Variants in PRELID2 observed in about 807,000 individuals in gnomAD.
The protein encoded by PRELID2 is PRELI domain-containing protein 2.
PRELID2 carries 25 observed loss-of-function variants against 28.4 expected under a neutral mutation model. The ratio of observed to expected loss-of-function variants is 0.88; its 90% confidence interval spans 0.64 to 1.23. The LOEUF (loss-of-function observed/expected upper bound fraction) is 1.23, where lower values mean the gene tolerates loss of function less well. PRELID2 is among the 50% of genes most tolerant of loss of function. The pLI, the probability that PRELID2 is intolerant of heterozygous loss-of-function variation, is 0.00. For synonymous variants in PRELID2, 76 were observed against 71.6 expected (o/e 1.06, Z -0.31); for missense variants, 201 against 214.4 (o/e 0.94, Z 0.39).
intron 1 of PRELID2, among the ~76,000 whole-genome samples, chr5:145,685,966 T>C (rs1325953669): frequency 6.6e-6 from 1 of 152,206 alleles, no homozygotes; most frequent in Admixed American, 6.5e-5. Context: ...GTCCCTGATA[T>C]CGCCATTCTT....
chr5:145,465,694 G>A, the PRELID2 span, among the ~76,000 whole-genome samples: 1 of 152,092 alleles, frequency 6.6e-6, no homozygotes, highest in Non-Finnish European at 1.5e-5. Context: ...ATCTAAAGTG[G>A]ATAGAACAGT....
At chr5:145,366,550 T>C in the PRELID2 span, among the ~76,000 whole-genome samples, 677 of 152,058 alleles carry the variant, frequency 4.5e-3, 2 homozygotes, top group African/African-American at 0.015. Flanking sequence ...GTAGTAAGAT[T>C]GCCCTTTTAA....
chr5:145,679,150 T>C (rs1326177259), intron 1 of PRELID2, among the ~76,000 whole-genome samples: 1 of 152,196 alleles, frequency 6.6e-6, no homozygotes, highest in Non-Finnish European at 1.5e-5. Flanking sequence ...AAGCCCTTCT[T>C]GGCCCCTTGG....
intron 1 of PRELID2, among the ~76,000 whole-genome samples, chr5:145,612,392 G>A (rs1473199071): frequency 6.6e-6 from 1 of 152,036 alleles, no homozygotes; most frequent in African/African-American, 2.4e-5. Flanking sequence ...GATTACAGAG[G>A]AATCATATTC....
At chr5:145,778,487 C>T (rs1758559408) in intron 5 of PRELID2, among the ~76,000 whole-genome samples, 1 of 152,188 alleles carries the variant, frequency 6.6e-6, no homozygotes, top group African/African-American at 2.4e-5. Context: ...CTCCATTTGT[C>T]CATGCATCTC....
At chr5:145,282,398 G>T in the PRELID2 span, among the ~76,000 whole-genome samples, 17 of 152,100 alleles carry the variant, frequency 1.1e-4, no homozygotes, top group African/African-American at 3.6e-4. Context: ...ATTATCAAGT[G>T]TGAAATATAA....
chr5:145,249,760 C>T, the PRELID2 span, among the ~76,000 whole-genome samples: 11 of 151,994 alleles, frequency 7.2e-5, no homozygotes, highest in Non-Finnish European at 1.6e-4. Context: ...TTTTGTAATG[C>T]CTAAAGGGAT....
chr5:145,603,399 T>C (rs979204673), intron 1 of PRELID2, among the ~76,000 whole-genome samples: 7 of 152,110 alleles, frequency 4.6e-5, no homozygotes. Context: ...AGCAGCACAC[T>C]GCTTGAATGA....
At chr5:145,720,966 GC>G (rs1216718666) in intron 1 of PRELID2, among the ~76,000 whole-genome samples, 1 of 151,896 alleles carries the variant, frequency 6.6e-6, no homozygotes, top group Non-Finnish European at 1.5e-5. Flanking sequence ...AGATATATCT[GC>G]CATATTAGAA....
chr5:145,680,076 T>C (rs1253685557), intron 1 of PRELID2, among the ~76,000 whole-genome samples: 1 of 152,130 alleles, frequency 6.6e-6, no homozygotes. Flanking sequence ...GTTTAAATTT[T>C]AGTGCCACAG....
At chr5:145,786,581 C>G (rs1752007520) in intron 5 of PRELID2, among the ~76,000 whole-genome samples, 1 of 152,140 alleles carries the variant, frequency 6.6e-6, no homozygotes, top group African/African-American at 2.4e-5. Flanking sequence ...TTGATTACAT[C>G]CCTGTGAAAC....
chr5:145,483,754 A>G (rs567966893), intron 1 of PRELID2, among the ~76,000 whole-genome samples: 4 of 152,352 alleles, frequency 2.6e-5, no homozygotes, highest in Non-Finnish European at 5.9e-5. Context: ...TACGGAGTTG[A>G]AAACCTATGT....
At chr5:145,634,383 C>G (rs939344468) in intron 1 of PRELID2, among the ~76,000 whole-genome samples, 1 of 152,232 alleles carries the variant, frequency 6.6e-6, no homozygotes, top group South Asian at 2.1e-4. Context: ...TTCTATGATC[C>G]CCTTGTCCCT....
chr5:145,751,698 T>G (rs1373796554), downstream of PRELID2, among the ~76,000 whole-genome samples: 1 of 152,190 alleles, frequency 6.6e-6, no homozygotes, highest in Non-Finnish European at 1.5e-5. Context: ...GAAGAGTTTT[T>G]GGGCCAGGCA....
At chr5:145,790,717 GTGTGTA>G (rs1367513950) in intron 5 of PRELID2, among the ~76,000 whole-genome samples, 3 of 72,168 alleles carry the variant, frequency 4.2e-5, no homozygotes, top group African/African-American at 8.1e-5. Context: ...GTGTGTGTGT[GTGTGTA>G]TATATATATA....
intron 1 of PRELID2, among the ~76,000 whole-genome samples, chr5:145,827,332 G>A (rs1177987904): frequency 2.6e-5 from 4 of 152,132 alleles, no homozygotes; most frequent in Non-Finnish European, 5.9e-5. Context: ...AAGACGAAAC[G>A]AGTTATAAAT....
chr5:145,711,102 A>G (rs1368340), intron 1 of PRELID2, among the ~76,000 whole-genome samples: 33,523 of 152,130 alleles, frequency 0.22, 4,870 homozygotes, highest in African/African-American at 0.41. Flanking sequence ...CAAGAGGATC[A>G]ATACCTGCCA....
chr5:145,295,279 T>A, the PRELID2 span, among the ~76,000 whole-genome samples: 14 of 152,124 alleles, frequency 9.2e-5, no homozygotes, highest in Admixed American at 9.2e-4. Context: ...TATTTTGTTA[T>A]AAAGACTCAA....
chr5:145,459,721 A>C, the PRELID2 span, among the ~76,000 whole-genome samples: 5 of 152,098 alleles, frequency 3.3e-5, no homozygotes, highest in African/African-American at 1.2e-4. Context: ...TGTCCCCCCA[A>C]AAATGCCTCA....
Sources: allele counts gnomAD v4.1 joint callset (sites outside exome capture counted in the v4.1 genomes callset), GRCh38; gene constraint gnomAD v4.1.1; transcripts MANE v1.5; gene names NCBI Gene and HGNC (gene_info 2026-07-23, HGNC 2026-07-21).